VPS50: variants seen among roughly 807,000 people sequenced by gnomAD.
VPS50 encodes syndetin.
A neutral mutation model predicts 139.7 loss-of-function variants in VPS50; 70 were observed. The ratio of observed to expected loss-of-function variants is 0.50; its 90% CI spans 0.41 to 0.61. The LOEUF is 0.61. Among genes scored for constraint, VPS50 ranks in the 20% least tolerant of loss-of-function variants. The pLI is 0.00. For missense variants in VPS50, 921 were observed against 1,133.7 expected (o/e 0.81, Z 2.69); for synonymous variants, 365 against 376.7 (o/e 0.97, Z 0.36).
chr7:93,313,274 A>G (rs1483107603), intron 20 of VPS50, among the ~76,000 whole-genome samples: 2 of 152,198 alleles, frequency 1.3e-5, no homozygotes, highest in African/African-American at 4.8e-5. Context: ...CTGCAAGTCA[A>G]GGGAAGTGGG....
Position 93,360,476 on chromosome 7 carries a change from G to A in VPS50, c.*2040G>A, listed in dbSNP as rs1798808648. ...GCTAGCTAGCATCAAAACAGTAACAGGAGGTTTGAGTCATGAAGTTACCTA... is the reference window on the plus strand; with the variant it reads ...GCTAGCTAGCATCAAAACAGTAACAAGAGGTTTGAGTCATGAAGTTACCTA... On this transcript the variant is annotated 3_prime_UTR_variant, in exon 28 of 28. Transcript: ENST00000305866. 6.8e-6 allele frequency: 1 copy of A among 147,812 alleles called. No homozygotes were observed. Among genetic ancestry groups the A allele is most frequent in the African/African-American group, 2.5e-5 (1 of 39,604 alleles). The allele number at this position is 147,812 out of a possible 1,614,324, so 9.2% of individuals were successfully genotyped here. A position where few individuals can be genotyped will look rare whatever the true frequency, so the allele number is the denominator to read the frequency against.
At chr7:93,238,660 G>A (rs1794890281) in intron 1 of VPS50, among the ~76,000 whole-genome samples, 1 of 152,138 alleles carries the variant, frequency 6.6e-6, no homozygotes, top group African/African-American at 2.4e-5. Flanking sequence ...TATTCATTAG[G>A]TTTATTTTAG....
intron 1 of VPS50, among the ~76,000 whole-genome samples, chr7:93,233,209 C>T (rs576881730): frequency 3.9e-5 from 6 of 152,250 alleles, no homozygotes; most frequent in African/African-American, 1.4e-4. Flanking sequence ...GTAATAATGC[C>T]TCAGCTTCAT....
intron 12 of VPS50, among the ~76,000 whole-genome samples, chr7:93,290,612 T>C (rs867312795): frequency 4.6e-5 from 7 of 151,992 alleles, no homozygotes; most frequent in Admixed American, 6.6e-5. Context: ...TTAGACCTAT[T>C]AATAGAGCAA....
chr7:93,359,233 T>C lies in VPS50; in HGVS notation c.*797T>C, dbSNP rs1046800133. 1 of 152,080 alleles carries C rather than the reference T, an allele frequency of 6.6e-6. No individual in the cohort carries two copies. Among genetic ancestry groups the C allele is most frequent in the African/African-American group, 2.4e-5 (1 of 41,406 alleles). 9.4% of individuals were successfully genotyped at this position (152,080 alleles called of 1,614,324 possible). ...TATCTTTCTTTATAAAAATATGTGG[T>C]TTTTTTGTTGAAAGTTTTGGTCTCT... On this transcript the variant is annotated 3_prime_UTR_variant, in exon 28 of 28. Coordinates refer to ENST00000305866, the MANE Select transcript of VPS50 (RefSeq NM_017667.4).
intron 2 of VPS50, among the ~76,000 whole-genome samples, chr7:93,242,482 T>C (rs1281238596): frequency 6.6e-6 from 1 of 151,570 alleles, no homozygotes; most frequent in African/African-American, 2.4e-5. Flanking sequence ...CTTGGTGATA[T>C]ATATATATAT....
intron 22 of VPS50, among the ~76,000 whole-genome samples, chr7:93,335,354 G>C (rs1798042947): frequency 6.6e-6 from 1 of 152,142 alleles, no homozygotes; most frequent in South Asian, 2.1e-4. Flanking sequence ...AACATTTGGA[G>C]ATCCTTTTAC....
At chr7:93,256,629 T>G (rs1795490986) in intron 5 of VPS50, 67 bp downstream of exon 5, 1 of 819,434 alleles carries the variant, frequency 1.2e-6, no homozygotes. Flanking sequence ...CACTTGAAAC[T>G]GTTAAAATAT....
chr7:93,232,643 C>T (rs1388795513), intron 1 of VPS50, 143 bp downstream of exon 1: 4 of 729,504 alleles, frequency 5.5e-6, no homozygotes, highest in African/African-American at 5.2e-5. Context: ...CCGGGGCATA[C>T]CCTAGAAAAC....
intron 22 of VPS50, among the ~76,000 whole-genome samples, chr7:93,336,109 G>A (rs746628701): frequency 5.3e-5 from 8 of 151,826 alleles, no homozygotes; most frequent in Non-Finnish European, 1.2e-4. Flanking sequence ...ACATTCTTTG[G>A]CTACTAAAAT....
intron 16 of VPS50, among the ~76,000 whole-genome samples, chr7:93,301,771 C>A (rs1340112923): frequency 6.6e-6 from 1 of 152,146 alleles, no homozygotes; most frequent in Non-Finnish European, 1.5e-5. Flanking sequence ...CCATAGGAAA[C>A]TAATATAGAG....
intron 16 of VPS50, among the ~76,000 whole-genome samples, chr7:93,298,857 G>A (rs569681472): frequency 8.5e-5 from 13 of 152,306 alleles, no homozygotes; most frequent in African/African-American, 3.1e-4. Flanking sequence ...GCTGGGTTGA[G>A]TAATAGTAGA....
At chr7:93,256,671 T>C (rs1163260091) in intron 5 of VPS50, 109 bp downstream of exon 5, 3 of 619,528 alleles carry the variant, frequency 4.8e-6, no homozygotes, top group Non-Finnish European at 5.5e-6. Flanking sequence ...TGTAGCAGCA[T>C]ATTGACTGTT....
Position 93,239,895 on chromosome 7 carries a change from T to C in VPS50, c.63T>C (p.Ser21=). The stretch of plus-strand genomic sequence containing the variant: ...TGAAAAGCCCTCAAGAAAGCCTCAG[T>C]GATCTTGGTGCCATAGAGAGTCTCC... ...QGLKSPQESL[S]DLGAIESLRV... Residue 21 remains serine (S), a synonymous_variant, in exon 2 of 28, where the codon AGT becomes AGC. Coordinates refer to ENST00000305866, the MANE Select transcript of VPS50 (RefSeq NM_017667.4). 1 of 1,607,252 alleles carries C rather than the reference T, an allele frequency of 6.2e-7. No homozygotes were observed. The highest frequency in any genetic ancestry group is 8.5e-7 in the Non-Finnish European group (1 of 1,174,182).
chr7:93,298,139 ATC>A (rs1796866050), intron 16 of VPS50, among the ~76,000 whole-genome samples: 1 of 152,178 alleles, frequency 6.6e-6, no homozygotes, highest in East Asian at 1.9e-4. Flanking sequence ...AATACAAGTT[ATC>A]TCTGTTAATT....
chr7:93,318,440 T>C (rs1056290797), intron 20 of VPS50, among the ~76,000 whole-genome samples: 1 of 152,072 alleles, frequency 6.6e-6, no homozygotes, highest in Non-Finnish European at 1.5e-5. Flanking sequence ...ACGCCTCTTT[T>C]ATAGCTTTTC....
Position 93,284,738 on chromosome 7 carries a change from T to G in VPS50, c.943-6965T>G, listed in dbSNP as rs575223086. Among the ~76,000 whole-genome samples the G allele has an allele frequency of 6.6e-5, 10 of 152,340 alleles. No homozygotes were observed. In the East Asian group the frequency reaches 1.7e-3, roughly 26 times the overall value. On this transcript the variant is annotated intron_variant, in intron 12 of 27. Transcript: ENST00000305866. ...TTCAGAGGGACTCTAGGAGATTTGCTTTAACCCTTGGGGTTTAGATACATG... is the reference window on the plus strand; with the variant it reads ...TTCAGAGGGACTCTAGGAGATTTGCGTTAACCCTTGGGGTTTAGATACATG...
At chr7:93,257,729 C>CTTTTTTTTTA (rs1795530356) in intron 6 of VPS50, 2 of 282,522 alleles carry the variant, frequency 7.1e-6, no homozygotes, top group Non-Finnish European at 1.3e-5. Context: ...AAAGCACCTA[C>CTTTTTTTTTA]TTTTTTCTTT....
At chr7:93,280,388 G>A (rs1212251565) in intron 12 of VPS50, among the ~76,000 whole-genome samples, 1 of 151,976 alleles carries the variant, frequency 6.6e-6, no homozygotes, top group Admixed American at 6.6e-5. Context: ...CTAAAACTTA[G>A]CAGCAAGATT....
Sources: allele counts gnomAD v4.1 joint callset (sites outside exome capture counted in the v4.1 genomes callset), GRCh38; gene constraint gnomAD v4.1.1; transcripts MANE v1.5; gene names NCBI Gene and HGNC (gene_info 2026-07-23, HGNC 2026-07-21).